The following MARK1 variants were observed in gnomAD, a reference collection of about 807,000 sequenced individuals.
MARK1 encodes serine/threonine-protein kinase MARK1.
MARK1 carries 40 observed loss-of-function variants against 96.3 expected under a neutral mutation model. That is an observed-to-expected ratio of 0.42 (90% CI 0.32 to 0.54). The LOEUF (loss-of-function observed/expected upper bound fraction) is 0.54. Among genes scored for constraint, MARK1 ranks in the 20% least tolerant of loss-of-function variants. MARK1 has a pLI of 0.16. For missense variants in MARK1, 719 were observed against 984.6 expected (o/e 0.73, Z 3.61); for synonymous variants, 317 against 341.2 (o/e 0.93, Z 0.78).
chr1:220,632,759 T>A (rs1028339368), intron 11 of MARK1, among the ~76,000 whole-genome samples: 2 of 152,218 alleles, frequency 1.3e-5, no homozygotes, highest in African/African-American at 4.8e-5. Flanking sequence ...CCTTATAAAG[T>A]GTCAAGTGAC....
At chr1:220,580,075 A>G (rs911383585) in intron 2 of MARK1, among the ~76,000 whole-genome samples, 1 of 152,154 alleles carries the variant, frequency 6.6e-6, no homozygotes. Context: ...ATTTGCACAT[A>G]TGTACGTTGT....
chr1:220,617,543 A>G (rs753691671), intron 7 of MARK1, among the ~76,000 whole-genome samples: 2 of 152,224 alleles, frequency 1.3e-5, no homozygotes, highest in Non-Finnish European at 2.9e-5. Flanking sequence ...AACATGTACA[A>G]AAGCAAGTCC....
chr1:220,628,431 C>T (rs1185354325), intron 9 of MARK1, among the ~76,000 whole-genome samples: 2 of 152,064 alleles, frequency 1.3e-5, no homozygotes, highest in African/African-American at 2.4e-5. Context: ...CTGAAACTTC[C>T]CCCAGCAAAG....
intron 1 of MARK1, among the ~76,000 whole-genome samples, chr1:220,532,045 A>G (rs2102685156): frequency 6.6e-6 from 1 of 152,302 alleles, no homozygotes; most frequent in Admixed American, 6.5e-5. Flanking sequence ...GATTATGCTA[A>G]TTATTAATGG....
chr1:220,643,350 C>G (rs893900605), intron 13 of MARK1, among the ~76,000 whole-genome samples: 3 of 152,062 alleles, frequency 2.0e-5, no homozygotes, highest in African/African-American at 7.3e-5. Flanking sequence ...AGTTTGAAGA[C>G]TGTCTTGGTG....
chr1:220,626,433 C>T (rs963458600), intron 9 of MARK1: 46 of 544,180 alleles, frequency 8.5e-5, no homozygotes, highest in African/African-American at 3.6e-4. Flanking sequence ...ATGGGATTGA[C>T]GACAAGTCCT....
intron 9 of MARK1, among the ~76,000 whole-genome samples, chr1:220,628,751 C>T (rs1047699849): frequency 6.6e-6 from 1 of 151,986 alleles, no homozygotes; most frequent in Non-Finnish European, 1.5e-5. Context: ...CAATCCCTAG[C>T]CTTCCAAGAA....
chr1:220,552,195 C>T (rs1013232691), intron 1 of MARK1, among the ~76,000 whole-genome samples: 1 of 152,196 alleles, frequency 6.6e-6, no homozygotes, highest in African/African-American at 2.4e-5. Context: ...TGGACCATTA[C>T]TATGACATCT....
At chr1:220,623,105 G>A (rs888523321) in intron 9 of MARK1, among the ~76,000 whole-genome samples, 3 of 151,908 alleles carry the variant, frequency 2.0e-5, no homozygotes, top group Non-Finnish European at 4.4e-5. Context: ...AAATGAAATC[G>A]GAGTGGATGA....
rs1020504268 is a variant in MARK1 at position 220,565,962 on chromosome 1, C to T, written c.52-13392C>T. ...AGGAGGAAGGTTTGGGGAGGTAGCTCTAGTGAAAAGCATAGGTCTTATAGT... is the reference window on the plus strand; with the variant it reads ...AGGAGGAAGGTTTGGGGAGGTAGCTTTAGTGAAAAGCATAGGTCTTATAGT... On this transcript the variant is annotated intron_variant, in intron 1 of 17. Coordinates refer to ENST00000366917, the MANE Select transcript of MARK1 (RefSeq NM_018650.5). Among the ~76,000 whole-genome samples, 6 of 152,144 alleles carry T rather than the reference C, an allele frequency of 3.9e-5. No homozygotes were observed. In the East Asian group the frequency reaches 5.8e-4, roughly 15 times the overall value.
At chr1:220,617,096 T>C (rs112758400) in intron 7 of MARK1, among the ~76,000 whole-genome samples, 14 of 152,248 alleles carry the variant, frequency 9.2e-5, no homozygotes, top group African/African-American at 3.4e-4. Flanking sequence ...TGCAGAAATT[T>C]ACAATGACCA....
intron 1 of MARK1, among the ~76,000 whole-genome samples, chr1:220,560,508 T>A (rs1041626711): frequency 2.0e-5 from 3 of 152,210 alleles, no homozygotes; most frequent in Non-Finnish European, 4.4e-5. Flanking sequence ...CCAGCATCAC[T>A]GCCCTTGCAC....
chr1:220,624,095 T>G (rs1042156063), intron 9 of MARK1, among the ~76,000 whole-genome samples: 1 of 151,866 alleles, frequency 6.6e-6, no homozygotes, highest in Non-Finnish European at 1.5e-5. Context: ...GTCAGGAGTT[T>G]AAGACCAGCC....
chr1:220,606,304 T>C (rs1666075632), intron 6 of MARK1, among the ~76,000 whole-genome samples: 1 of 152,226 alleles, frequency 6.6e-6, no homozygotes, highest in African/African-American at 2.4e-5. Context: ...ATGTGTCTGT[T>C]GGCTGCATAG....
At chr1:220,592,589 A>G (rs1163753975) in intron 3 of MARK1, among the ~76,000 whole-genome samples, 2 of 152,176 alleles carry the variant, frequency 1.3e-5, no homozygotes, top group Non-Finnish European at 2.9e-5. Context: ...CAGGCTTGGA[A>G]TACTGAGCCG....
At chr1:220,552,144 A>G (rs1348724761) in intron 1 of MARK1, among the ~76,000 whole-genome samples, 1 of 152,110 alleles carries the variant, frequency 6.6e-6, no homozygotes, top group Admixed American at 6.5e-5. Context: ...TTTTTTGCCT[A>G]TTGATTCACT....
intron 16 of MARK1, among the ~76,000 whole-genome samples, chr1:220,656,800 A>G (rs1165693644): frequency 6.6e-6 from 1 of 151,822 alleles, no homozygotes; most frequent in African/African-American, 2.4e-5. Context: ...TTTTTTTTTC[A>G]TAATATGTTT....
chr1:220,595,656 T>C (rs1209212405), intron 3 of MARK1, among the ~76,000 whole-genome samples: 1 of 152,194 alleles, frequency 6.6e-6, no homozygotes, highest in Admixed American at 6.5e-5. Context: ...GGTTTAGTTC[T>C]AATAGCATTG....
At chr1:220,661,316 T>A (rs111676603) in intron 17 of MARK1, among the ~76,000 whole-genome samples, 5 of 152,304 alleles carry the variant, frequency 3.3e-5, no homozygotes, top group African/African-American at 1.2e-4. Context: ...TAATCTAACA[T>A]CTTTACCTAA....
Sources: gnomAD v4.1 joint callset for allele counts (sites outside exome capture counted in the v4.1 genomes callset) on GRCh38, gnomAD v4.1.1 for gene constraint, MANE v1.5 for transcripts, NCBI Gene and HGNC (gene_info 2026-07-23, HGNC 2026-07-21) for gene names.